Variants in PIP4P2 observed in about 807,000 individuals in gnomAD.
The protein encoded by PIP4P2 is type 2 phosphatidylinositol 4,5-bisphosphate 4-phosphatase.
A neutral mutation model predicts 33.3 loss-of-function variants in PIP4P2; 19 were observed. The ratio of observed to expected loss-of-function variants is 0.57; its 90% CI spans 0.40 to 0.84. The LOEUF is 0.84. Among genes scored for constraint, PIP4P2 ranks in the 40% least tolerant of loss-of-function variants. The pLI is 0.00. For missense variants in PIP4P2, 270 were observed against 324.7 expected (o/e 0.83, Z 1.29); for synonymous variants, 110 against 111.9 (o/e 0.98, Z 0.11).
chr8:91,004,109 G>A (rs1811737279), intron 5 of PIP4P2, among the ~76,000 whole-genome samples: 1 of 152,134 alleles, frequency 6.6e-6, no homozygotes, highest in Admixed American at 6.6e-5. Context: ...TCCCTGGACT[G>A]TTGGCAGTGT....
intron 4 of PIP4P2, among the ~76,000 whole-genome samples, chr8:91,017,454 A>G (rs1811933056): frequency 6.6e-6 from 1 of 152,084 alleles, no homozygotes; most frequent in Non-Finnish European, 1.5e-5. Flanking sequence ...ATAAACACAT[A>G]GAAGTGACTA....
At chr8:91,038,338 A>T (rs1225005978) in intron 1 of PIP4P2, among the ~76,000 whole-genome samples, 2 of 152,142 alleles carry the variant, frequency 1.3e-5, no homozygotes, top group Non-Finnish European at 2.9e-5. Flanking sequence ...TTCTTTTTTT[A>T]AAAAAATAAA....
intron 4 of PIP4P2, among the ~76,000 whole-genome samples, chr8:91,010,503 T>C (rs1433682943): frequency 6.6e-6 from 1 of 151,950 alleles, no homozygotes; most frequent in Non-Finnish European, 1.5e-5. Context: ...ATAAAATCAA[T>C]GATAACTGAC....
intron 5 of PIP4P2, among the ~76,000 whole-genome samples, chr8:91,003,550 A>G (rs1475915936): frequency 2.0e-5 from 3 of 152,188 alleles, no homozygotes; most frequent in African/African-American, 7.2e-5. Flanking sequence ...ATATTTATCA[A>G]TACACATGGG....
chr8:91,031,257 T>G (rs1812159168), intron 1 of PIP4P2, among the ~76,000 whole-genome samples: 2 of 152,230 alleles, frequency 1.3e-5, no homozygotes, highest in Admixed American at 6.5e-5. Context: ...AAAATAACTT[T>G]ATATTAGTTT....
chr8:91,011,661 T>C (rs1220978262), intron 4 of PIP4P2, among the ~76,000 whole-genome samples: 2 of 152,064 alleles, frequency 1.3e-5, no homozygotes, highest in African/African-American at 2.4e-5. Context: ...AAACACCTGT[T>C]ATTAACCTAT....
intron 1 of PIP4P2, among the ~76,000 whole-genome samples, chr8:91,022,718 G>T (rs1358330017): frequency 6.6e-6 from 1 of 152,098 alleles, no homozygotes; most frequent in African/African-American, 2.4e-5. Context: ...AAAACATTTT[G>T]GTATGTTTAA....
At chr8:91,000,155 A>G (rs1397321235) in intron 5 of PIP4P2, among the ~76,000 whole-genome samples, 2 of 152,024 alleles carry the variant, frequency 1.3e-5, no homozygotes, top group Non-Finnish European at 2.9e-5. Flanking sequence ...AAGATTTTAG[A>G]AAGTTTTAAC....
intron 1 of PIP4P2, among the ~76,000 whole-genome samples, chr8:91,029,497 A>C (rs1198601117): frequency 6.6e-6 from 1 of 151,966 alleles, no homozygotes; most frequent in Non-Finnish European, 1.5e-5. Flanking sequence ...AACCTGTAAA[A>C]CTTTCAGTTC....
chr8:91,020,249 G>C lies in PIP4P2; in HGVS notation c.270C>G (p.Pro90=). The part of the protein sequence containing the change: ...VCNEATPIKN[P]PTGKKYVRCP... ...ATCTAACATATTTCTTGCCTGTTGG[G>C]GGGTTTTTGATTGGCTGGATAAGGG... Residue 90 remains proline (P), a synonymous_variant, in exon 3 of 7, where the codon CCC becomes CCG. Coordinates refer to ENST00000285419, the MANE Select transcript of PIP4P2 (RefSeq NM_018710.3). 2 of 1,613,680 alleles carry C rather than the reference G, an allele frequency of 1.2e-6. No homozygotes were observed. The highest frequency in any genetic ancestry group is 1.7e-6 in the Non-Finnish European group (2 of 1,179,758).
intron 1 of PIP4P2, among the ~76,000 whole-genome samples, chr8:91,023,636 G>A (rs1226541474): frequency 3.3e-5 from 5 of 151,858 alleles, no homozygotes; most frequent in African/African-American, 9.7e-5. Flanking sequence ...GGGAAGTGGA[G>A]GGACATGGAC....
chr8:91,005,852 T>A (rs1363668017), intron 5 of PIP4P2, among the ~76,000 whole-genome samples: 1 of 152,196 alleles, frequency 6.6e-6, no homozygotes, highest in African/African-American at 2.4e-5. Context: ...CCAAACTGTA[T>A]TTCAGAATGC....
intron 1 of PIP4P2, among the ~76,000 whole-genome samples, chr8:91,040,388 A>ACAACAT (rs1239746740): frequency 0.5 from 74,106 of 149,640 alleles, 19,748 homozygotes; most frequent in South Asian, 0.64. Flanking sequence ...ATACACACAC[A>ACAACAT]CACCATCACC....
chr8:91,028,846 C>T (rs951645342), intron 1 of PIP4P2, among the ~76,000 whole-genome samples: 7 of 152,088 alleles, frequency 4.6e-5, no homozygotes, highest in Admixed American at 1.3e-4. Context: ...GTGATAAGGC[C>T]GCTGTATGAG....
At chr8:91,017,065 G>A (rs1289622709) in intron 4 of PIP4P2, among the ~76,000 whole-genome samples, 3 of 152,166 alleles carry the variant, frequency 2.0e-5, no homozygotes, top group Non-Finnish European at 4.4e-5. Context: ...TTGACTGGGA[G>A]TATGAAAGCA....
chr8:90,997,138 AAGT>A (rs1159596695), intron 5 of PIP4P2, among the ~76,000 whole-genome samples: 4 of 152,248 alleles, frequency 2.6e-5, no homozygotes, highest in East Asian at 1.9e-4. Context: ...AAAATTTAGA[AAGT>A]AGAATAAAAA....
intron 5 of PIP4P2, among the ~76,000 whole-genome samples, chr8:91,007,586 A>C (rs1375296420): frequency 2.6e-5 from 4 of 152,216 alleles, no homozygotes; most frequent in African/African-American, 7.2e-5. Context: ...ATTCACATAC[A>C]TAAGAGGATA....
chr8:91,021,299 AG>A lies in PIP4P2; in HGVS notation c.211del (p.Leu71PhefsTer44). 6.2e-7 allele frequency: 1 copy of A among 1,613,856 alleles called. No homozygotes were observed. The highest frequency in any genetic ancestry group is 8.5e-7 in the Non-Finnish European group (1 of 1,179,822). On this transcript the variant is annotated frameshift_variant, in exon 2 of 7. Transcript: ENST00000285419. LOFTEE classifies it high-confidence loss of function. ...CQSLINLDGK[L>X]HQHVVKCTVC... Reference sequence around the variant, plus strand: ...TGTGCACTTAACCACATGCTGGTGAAGCTTGCCATCCAAATTGATTAGTGAT... The same window carrying A: ...TGTGCACTTAACCACATGCTGGTGAACTTGCCATCCAAATTGATTAGTGAT...
At chr8:91,016,317 T>C (rs527244354) in intron 4 of PIP4P2, among the ~76,000 whole-genome samples, 82 of 151,420 alleles carry the variant, frequency 5.4e-4, no homozygotes, top group Admixed American at 3.8e-3. Context: ...ACCAAAAAAA[T>C]GGAATGGACA....
Sources: allele counts gnomAD v4.1 joint callset (sites outside exome capture counted in the v4.1 genomes callset), GRCh38; gene constraint gnomAD v4.1.1; transcripts MANE v1.5; gene names NCBI Gene and HGNC (gene_info 2026-07-23, HGNC 2026-07-21).